The following LAMA3 variants were observed in gnomAD, a reference collection of about 807,000 sequenced individuals.
LAMA3 encodes the protein laminin subunit alpha-3.
Under a neutral mutation model 402.0 loss-of-function variants are expected in LAMA3, and 281 were observed. The ratio of observed to expected loss-of-function variants is 0.70; its 90% CI spans 0.63 to 0.77. LAMA3 has a LOEUF of 0.77. Among genes scored for constraint, LAMA3 ranks in the 30% least tolerant of loss-of-function variants. The probability of loss-of-function intolerance (pLI) is 0.00; values close to 1 mark genes in which losing one functional copy is unlikely to be tolerated. For missense variants in LAMA3, 3,840 were observed against 4,215.5 expected (o/e 0.91, Z 2.47); for synonymous variants, 1,431 against 1,558.4 (o/e 0.92, Z 1.93).
At chr18:23,846,248 C>G in intron 30 of LAMA3, 49 bp from the exon 31 acceptor site, 1 of 1,581,052 alleles carries the variant, frequency 6.3e-7, no homozygotes, top group Non-Finnish European at 8.7e-7. Context: ...GAGGCCACTC[C>G]CATACACACC....
intron 23 of LAMA3, among the ~76,000 whole-genome samples, chr18:23,828,094 C>G (rs1191887968): frequency 1.3e-5 from 2 of 152,158 alleles, no homozygotes; most frequent in African/African-American, 4.8e-5. Context: ...TAAGAATACA[C>G]AACACTTCAA....
chr18:23,921,071 T>C lies in LAMA3; in HGVS notation c.8043+17T>C. 1 of 1,613,628 alleles carries C rather than the reference T, an allele frequency of 6.2e-7. No homozygotes were observed. Among genetic ancestry groups the C allele is most frequent in the East Asian group, 2.2e-5 (1 of 44,874 alleles). ...GACCATTCGGTACACCTTTTGAGTC[T>C]GTTTACTTGAATCGTTAAATGTCCT... is the stretch of plus-strand genomic sequence containing the variant. On this transcript the variant is annotated intron_variant, in intron 61 of 74. Transcript: ENST00000313654.
chr18:23,893,596 A>AAAAAAC (rs1053256982), intron 42 of LAMA3, among the ~76,000 whole-genome samples: 1 of 152,134 alleles, frequency 6.6e-6, no homozygotes, highest in Non-Finnish European at 1.5e-5. Flanking sequence ...CACCGGCCAA[A>AAAAAAC]AAAAACAAAA....
chr18:23,822,267 A>G lies in LAMA3; in HGVS notation c.2320A>G (p.Thr774Ala). ...TATTTTTCAGAATGATGTAAGAATA[A>G]CATTGAATGTAGGGAAGTCAAGTGG... ...MTSVQNDVRI[T>A]LNVGKSSGSL... is the part of the protein sequence containing the mutation. Residue 774 changes from threonine to alanine, a missense_variant, in exon 20 of 75, where the codon ACA becomes GCA. By Grantham distance (58) the Thr-to-Ala change is moderately conservative (BLOSUM62 0). Transcript: ENST00000313654. The G allele has an allele frequency of 1.9e-6, 3 of 1,614,024 alleles. No homozygotes were observed. The highest frequency in any genetic ancestry group is 1.1e-5 in the South Asian group (1 of 91,074).
chr18:23,745,965 T>TATTA (rs2061645177), intron 2 of LAMA3, among the ~76,000 whole-genome samples: 1 of 152,242 alleles, frequency 6.6e-6, no homozygotes, highest in South Asian at 2.1e-4. Flanking sequence ...TAGCGAAATA[T>TATTA]ATTAGCTCTG....
chr18:23,926,293 C>G (rs1247879930), intron 62 of LAMA3, among the ~76,000 whole-genome samples: 1 of 152,212 alleles, frequency 6.6e-6, no homozygotes, highest in Admixed American at 6.5e-5. Context: ...CTACTATTTT[C>G]CTTTTCTGCA....
chr18:23,837,570 G>GATATATAT (rs56179962), intron 25 of LAMA3, among the ~76,000 whole-genome samples: 3,793 of 83,248 alleles, frequency 0.046, 219 homozygotes, highest in African/African-American at 0.093. Context: ...CAGTTAATCA[G>GATATATAT]ATATATATAT....
chr18:23,798,366 G>C lies in LAMA3; in HGVS notation c.1604-12000G>C, dbSNP rs2144158305. 2.6e-5 allele frequency among the ~76,000 whole-genome samples: 4 copies of C among 152,282 alleles called. No homozygotes were observed. The South Asian group carries it at 8.3e-4, about 32-fold the overall frequency. On this transcript the variant is annotated intron_variant, in intron 12 of 74. Transcript: ENST00000313654. ...CCCATTAGAGTCTGATGTAGTCTTT[G>C]GGTTGTGGTATCCGGTCTTTCTTTA... is the stretch of plus-strand genomic sequence containing the variant.
intron 2 of LAMA3, among the ~76,000 whole-genome samples, chr18:23,743,720 C>T (rs1486919447): frequency 6.6e-6 from 1 of 152,198 alleles, no homozygotes; most frequent in East Asian, 1.9e-4. Context: ...TACTTTGTTT[C>T]TCTACCTAAA....
chr18:23,796,666 C>G (rs2062769333), intron 12 of LAMA3, among the ~76,000 whole-genome samples: 1 of 152,026 alleles, frequency 6.6e-6, no homozygotes, highest in African/African-American at 2.4e-5. Flanking sequence ...AGCCAGGACT[C>G]CCTTTTAAAA....
intron 40 of LAMA3, among the ~76,000 whole-genome samples, chr18:23,882,609 TAA>T (rs10555585): frequency 0.035 from 4,821 of 138,676 alleles, 246 homozygotes; most frequent in African/African-American, 0.12. Context: ...GACTCCATCT[TAA>T]AAAAAAAAAA....
At chr18:23,823,930 T>A (rs1328611059) in intron 20 of LAMA3, among the ~76,000 whole-genome samples, 1 of 152,140 alleles carries the variant, frequency 6.6e-6, no homozygotes, top group Non-Finnish European at 1.5e-5. Context: ...CCCAGCTACT[T>A]GGGAGGCTGA....
At chr18:23,692,870 T>A (rs2060618595) in intron 1 of LAMA3, among the ~76,000 whole-genome samples, 2 of 152,164 alleles carry the variant, frequency 1.3e-5, no homozygotes. Flanking sequence ...ACAATCCAGT[T>A]TGAATTGATA....
rs140509950 is a variant in LAMA3, at chr18:23,735,460, T to C, written c.448-12483T>C. Among the ~76,000 whole-genome samples, 269 of 152,324 alleles carry C rather than the reference T, an allele frequency of 1.8e-3. 1 individual carries two copies. The highest frequency in any genetic ancestry group is 6.1e-3 in the African/African-American group (255 of 41,572). Reference sequence around the variant, plus strand: ...ATACGTCTTCGTTCCTAGCGTGTTGTGAGCTGTGCCTGTCTCTTGTTTTAT... The same window carrying C: ...ATACGTCTTCGTTCCTAGCGTGTTGCGAGCTGTGCCTGTCTCTTGTTTTAT... On this transcript the variant is annotated intron_variant, in intron 2 of 74. Coordinates refer to ENST00000313654, the MANE Select transcript of LAMA3 (RefSeq NM_198129.4).
At chr18:23,747,439 G>C (rs989115388) in intron 2 of LAMA3, among the ~76,000 whole-genome samples, 7 of 152,170 alleles carry the variant, frequency 4.6e-5, no homozygotes, top group Non-Finnish European at 1.0e-4. Context: ...TGAGGCCGGA[G>C]GAGATCCACA....
In LAMA3 at chr18:23,758,461, A is replaced by T; in HGVS notation, c.1013A>T (p.Asn338Ile). ...ETCDRCCTGY[N>I]QRRWRPAAWE... Reference sequence around the variant, plus strand: ...TGTGATCGCTGCTGCACAGGGTACAATCAGAGGCGCTGGCGGCCCGCCGCT... The same window carrying T: ...TGTGATCGCTGCTGCACAGGGTACATTCAGAGGCGCTGGCGGCCCGCCGCT... Residue 338 changes from asparagine (N) to isoleucine (I), a missense_variant, in exon 7 of 75, where the codon AAT becomes ATT. Around this residue, in one of 3 missense-constraint regions of LAMA3, gnomAD observed 2,109 missense variants for 2,376.0 expected, o/e 0.89. Transcript: ENST00000313654. 1 of 1,614,140 alleles carries T rather than the reference A, an allele frequency of 6.2e-7. No individual in the cohort carries two copies. Among genetic ancestry groups the T allele is most frequent in the Non-Finnish European group, 8.5e-7 (1 of 1,180,030 alleles).
intron 44 of LAMA3, among the ~76,000 whole-genome samples, chr18:23,896,844 C>T (rs1171144997): frequency 6.6e-6 from 1 of 151,948 alleles, no homozygotes; most frequent in Non-Finnish European, 1.5e-5. Flanking sequence ...GTTGGAGGTT[C>T]GAGTAGGGGT....
rs548692657 is a variant in LAMA3 at position 23,820,005 on chromosome 18, A to G, written c.2304+8A>G. On this transcript the variant is annotated splice_region_variant and intron_variant, in intron 19 of 74. Coordinates refer to ENST00000313654, the MANE Select transcript of LAMA3 (RefSeq NM_198129.4). Reference sequence around the variant, plus strand: ...CAAATGACCTCAGTACAGGTACGCAACCCGAAGAGAGCAGCTTCATGGCTG... The same window carrying G: ...CAAATGACCTCAGTACAGGTACGCAGCCCGAAGAGAGCAGCTTCATGGCTG... 6.8e-6 allele frequency: 11 copies of G among 1,614,006 alleles called. No homozygotes were observed. The highest frequency in any genetic ancestry group is 5.5e-5 in the South Asian group (5 of 91,078).
intron 44 of LAMA3, 42 bp downstream of exon 44, chr18:23,895,100 T>C (rs1332584460): frequency 1.3e-6 from 2 of 1,551,686 alleles, no homozygotes; most frequent in Non-Finnish European, 1.7e-6. Context: ...GGGGAGGAGA[T>C]GCTGCGGGAG....
Sources: gnomAD v4.1 joint callset for allele counts (sites outside exome capture counted in the v4.1 genomes callset) on GRCh38, gnomAD v4.1.1 for gene constraint, gnomAD v4.1.1 regional missense constraint, MANE v1.5 for transcripts, NCBI Gene and HGNC (gene_info 2026-07-23, HGNC 2026-07-21) for gene names.